RAD21: variants seen among roughly 807,000 people sequenced by gnomAD.
The protein encoded by RAD21 is double-strand-break repair protein rad21 homolog.
RAD21 carries 18 observed loss-of-function variants against 71.5 expected under a neutral mutation model. That is an observed-to-expected ratio of 0.25 (90% CI 0.17 to 0.37). The LOEUF (loss-of-function observed/expected upper bound fraction) is 0.37. Ranked by LOEUF, RAD21 falls within the 10% of genes least tolerant of loss-of-function variation. The pLI is 1.00. For missense variants in RAD21, 493 were observed against 769.1 expected, an observed-to-expected ratio of 0.64 and a Z score of 4.25; for synonymous variants, 248 against 254.0, an observed-to-expected ratio of 0.98 and a Z score of 0.22.
intron 8 of RAD21, among the ~76,000 whole-genome samples, chr8:116,855,831 G>C (rs921590393): frequency 8.5e-5 from 13 of 152,176 alleles, no homozygotes; most frequent in African/African-American, 2.9e-4. Context: ...CAAGTAAGCT[G>C]CTAACTTTCT....
Position 116,856,726 on chromosome 8 carries a change from G to A in RAD21, c.734C>T (p.Pro245Leu). ...SNNDGGIFDD[P>L]PALSEAGVML... ...CACCCCTGCCTCAGAGAGGGCAGGGGGATCATCAAAGATACCGCCATCATT... is the reference window on the plus strand; with the variant it reads ...CACCCCTGCCTCAGAGAGGGCAGGGAGATCATCAAAGATACCGCCATCATT... The change falls in exon 7 of 14, where the codon CCC (proline) becomes CTC (leucine). Residue 245 changes from proline to leucine, a missense_variant. Pro to Leu is a moderately conservative substitution (Grantham distance 98). Around this residue, in one of 5 missense-constraint regions of RAD21, gnomAD observed 165 missense variants for 229.6 expected, o/e 0.72. Transcript: ENST00000297338. 1 of 1,571,070 alleles carries A rather than the reference G, an allele frequency of 6.4e-7. No homozygotes were observed. The highest frequency in any genetic ancestry group is 1.8e-5 in the Admixed American group (1 of 55,070).
chr8:116,858,502 T>C lies in RAD21; in HGVS notation c.375-44A>G, dbSNP rs988619707. On this transcript the variant is annotated intron_variant, in intron 4 of 13. Transcript: ENST00000297338. Reference sequence around the variant, plus strand: ...TACATTTTAGTTTCAAGTCTATGTATAAGAAAAACAAATCCCAATTCTCTC... The same window carrying C: ...TACATTTTAGTTTCAAGTCTATGTACAAGAAAAACAAATCCCAATTCTCTC... 5.4e-6 allele frequency: 8 copies of C among 1,482,058 alleles called. No individual in the cohort carries two copies. The Admixed American group carries it at 7.3e-5, about 14-fold the overall frequency. The allele number at this position is 1,482,058 out of a possible 1,614,324, so 91.8% of individuals were successfully genotyped here.
intron 2 of RAD21, among the ~76,000 whole-genome samples, chr8:116,863,589 T>TC (rs1426064530): frequency 5.9e-5 from 9 of 152,206 alleles, no homozygotes; most frequent in Non-Finnish European, 1.3e-4. Flanking sequence ...GAAGCAAATG[T>TC]CCCCCACATT....
chr8:116,860,645 G>A (rs1024926675), intron 4 of RAD21, among the ~76,000 whole-genome samples: 4 of 149,080 alleles, frequency 2.7e-5, no homozygotes, highest in Non-Finnish European at 5.9e-5. Context: ...TGCTATTACT[G>A]CACACTTAAT....
chr8:116,873,866 G>C (rs1240297575), intron 1 of RAD21, among the ~76,000 whole-genome samples: 3 of 151,990 alleles, frequency 2.0e-5, no homozygotes, highest in Non-Finnish European at 4.4e-5. Flanking sequence ...TACAACACCC[G>C]ATATCCTTAA....
intron 1 of RAD21, chr8:116,874,073 C>A (rs920729441): frequency 6.6e-6 from 1 of 151,160 alleles, no homozygotes; most frequent in Non-Finnish European, 1.5e-5. Context: ...CCCCCCGCCC[C>A]ACCCCGCCCA....
At chr8:116,868,586 T>A (rs1365701479) in intron 1 of RAD21, among the ~76,000 whole-genome samples, 1 of 149,962 alleles carries the variant, frequency 6.7e-6, no homozygotes, top group African/African-American at 2.5e-5. Context: ...ATTATCAAAA[T>A]GAGTTTTTTT....
Position 116,856,082 on chromosome 8 carries a change from C to T in RAD21, c.937+84G>A, listed in dbSNP as rs1478385822. ...CAAGAAGCCTAGTTATCTAATACAA[C>T]AGTAGCAGATCAGTAGACAGGCAAA... On this transcript the variant is annotated intron_variant, in intron 8 of 13. Coordinates refer to ENST00000297338, the MANE Select transcript of RAD21 (RefSeq NM_006265.3). 2.8e-6 allele frequency: 4 copies of T among 1,437,910 alleles called. No individual in the cohort carries two copies. In the African/African-American group the frequency reaches 6.0e-5, roughly 21 times the overall value. 89.1% of individuals were successfully genotyped at this position (1,437,910 alleles called of 1,614,324 possible). A position where few individuals can be genotyped will look rare whatever the true frequency, so the allele number is the denominator to read the frequency against.
intron 1 of RAD21, among the ~76,000 whole-genome samples, chr8:116,869,539 C>T (rs1278222612): frequency 6.6e-6 from 1 of 151,766 alleles, no homozygotes; most frequent in South Asian, 2.1e-4. Flanking sequence ...GAGCTGAGAT[C>T]GCGACACTGC....
At position 116,854,481 on chromosome 8, in the gene RAD21, T is replaced by TA. The variant is rs774690551; in HGVS notation, c.938-14dup. On this transcript the variant is annotated splice_polypyrimidine_tract_variant and intron_variant, in intron 8 of 13. Transcript: ENST00000297338. Reference sequence around the variant, plus strand: ...TTTGTTTCTTTAACTGGAATGATAATAAAAAATAAGATCATTTTCCTGAGA... The same window carrying TA: ...TTTGTTTCTTTAACTGGAATGATAATAAAAAAATAAGATCATTTTCCTGAGA... The TA allele has an allele frequency of 2.5e-6, 4 of 1,596,572 alleles. No individual in the cohort carries two copies. Among genetic ancestry groups the TA allele is most frequent in the Non-Finnish European group, 3.4e-6 (4 of 1,164,996 alleles).
In RAD21 at chr8:116,857,259, C is replaced by T. The variant is rs2921787; in HGVS notation, c.688+8G>A. ...GTTTATGCTGGAATAACCATCATTCCCACATACCTAATATTCCACCATCAT... is the reference window on the plus strand; with the variant it reads ...GTTTATGCTGGAATAACCATCATTCTCACATACCTAATATTCCACCATCAT... On this transcript the variant is annotated splice_region_variant and intron_variant, in intron 6 of 13. Coordinates refer to ENST00000297338, the MANE Select transcript of RAD21 (RefSeq NM_006265.3). The T allele has an allele frequency of 0.043, 67,931 of 1,596,092 alleles. 4,958 individuals are homozygous for T. The highest frequency in any genetic ancestry group is 0.3 in the African/African-American group (22,410 of 74,272).
chr8:116,848,894 A>G, intron 13 of RAD21, 52 bp downstream of exon 13: 1 of 1,482,684 alleles, frequency 6.7e-7, no homozygotes, highest in Non-Finnish European at 9.1e-7. Context: ...TCAGGGAACA[A>G]TGGCAAAAGC....
intron 2 of RAD21, among the ~76,000 whole-genome samples, chr8:116,864,083 T>A (rs1158504437): frequency 1.3e-5 from 2 of 152,072 alleles, no homozygotes; most frequent in African/African-American, 2.4e-5. Context: ...ACTCCCAACC[T>A]TTTTTCGAGG....
chr8:116,856,097 A>C, intron 8 of RAD21, 69 bp downstream of exon 8: 1 of 1,525,450 alleles, frequency 6.6e-7, no homozygotes, highest in Non-Finnish European at 8.9e-7. Context: ...GCAGATCAGT[A>C]GACAGGCAAA....
Position 116,866,771 on chromosome 8 carries a change from G to T in RAD21, c.-32-10C>A. ...GAAAACAGAAGAAAACCTAAGAGGG[G>T]AAAAAAAAGTTAATGTAAACATCAT... On this transcript the variant is annotated splice_polypyrimidine_tract_variant and intron_variant, in intron 1 of 13. Transcript: ENST00000297338. 6.7e-7 allele frequency: 1 copy of T among 1,499,184 alleles called. No homozygotes were observed. 92.9% of individuals were successfully genotyped at this position (1,499,184 alleles called of 1,614,324 possible). A position where few individuals can be genotyped will look rare whatever the true frequency, so the allele number is the denominator to read the frequency against.
In RAD21 at chr8:116,852,585, C is replaced by A. The variant is rs147956016; in HGVS notation, c.1285G>T (p.Asp429Tyr). Residue 429 changes from aspartate (D) to tyrosine (Y), a missense_variant, in exon 10 of 14, where the codon GAC becomes TAC. By Grantham distance (160) the Asp-to-Tyr change is radical (BLOSUM62 -3). Around this residue, in one of 5 missense-constraint regions of RAD21, gnomAD observed 225 missense variants for 218.3 expected, o/e 1.03. Transcript: ENST00000297338. ...EFENPEVPRE[D>Y]QQQQHQQRDV... ...CGCTGCTGATGCTGCTGTTGCTGGT[C>A]CTCTCTAGGAACCTCTGGATTTTCA... 6.2e-7 allele frequency: 1 copy of A among 1,613,036 alleles called. No homozygotes were observed. The highest frequency in any genetic ancestry group is 8.5e-7 in the Non-Finnish European group (1 of 1,179,552).
chr8:116,869,129 T>A (rs1412903087), intron 1 of RAD21, among the ~76,000 whole-genome samples: 1 of 152,188 alleles, frequency 6.6e-6, no homozygotes, highest in East Asian at 1.9e-4. Flanking sequence ...AACTCGCCTT[T>A]ATCAAATTAA....
chr8:116,856,541 A>G (rs1812470796), intron 7 of RAD21, 105 bp downstream of exon 7: 1 of 1,307,308 alleles, frequency 7.6e-7, no homozygotes, highest in Admixed American at 2.6e-5. Context: ...AAAGATATTT[A>G]TAATTCACTA....
At position 116,857,276 on chromosome 8, in the gene RAD21, C is replaced by T; in HGVS notation, c.679G>A (p.Gly227Arg). The T allele has an allele frequency of 6.2e-7, 1 of 1,603,938 alleles. No individual in the cohort carries two copies. The change falls in exon 6 of 14, where the codon GGA (glycine) becomes AGA (arginine). Residue 227 changes from glycine to arginine, a missense_variant. This residue lies in a region of RAD21 where 165 missense variants were observed against 229.6 expected (regional missense o/e 0.72). Coordinates refer to ENST00000297338, the MANE Select transcript of RAD21 (RefSeq NM_006265.3). ...CATCATTCCCACATACCTAATATTCCACCATCATTTCCTTCTCCAAAATTA... is the reference window on the plus strand; with the variant it reads ...CATCATTCCCACATACCTAATATTCTACCATCATTTCCTTCTCCAAAATTA... ...DDNFGEGNDG[G>R]ILDDKLISNN...
Sources: gnomAD v4.1 joint callset for allele counts (sites outside exome capture counted in the v4.1 genomes callset) on GRCh38, gnomAD v4.1.1 for gene constraint, gnomAD v4.1.1 regional missense constraint, MANE v1.5 for transcripts, NCBI Gene and HGNC (gene_info 2026-07-23, HGNC 2026-07-21) for gene names.